Variants in RUNX1 observed in about 807,000 individuals in gnomAD.
RUNX1 encodes RUNX family transcription factor 1, also known as runt-related transcription factor 1.
In RUNX1, 19 loss-of-function variants were observed where a neutral mutation model predicts 42.8. The ratio of observed to expected loss-of-function variants is 0.44; its 90% CI spans 0.31 to 0.65. RUNX1 has a LOEUF of 0.65. RUNX1 is among the 30% of genes least tolerant of loss of function. The pLI is 0.07. For missense variants in RUNX1, 528 were observed against 672.0 expected (o/e 0.79, Z 2.37); for synonymous variants, 271 against 289.4 (o/e 0.94, Z 0.64).
chr21:34,947,574 T>C (rs2058573393), intron 2 of RUNX1, among the ~76,000 whole-genome samples: 1 of 152,248 alleles, frequency 6.6e-6, no homozygotes, highest in Admixed American at 6.5e-5. Flanking sequence ...TGTCCATTTT[T>C]TCCCCTGATG....
intron 6 of RUNX1, among the ~76,000 whole-genome samples, chr21:34,835,240 T>G (rs780572392): frequency 3.3e-5 from 5 of 151,992 alleles, no homozygotes; most frequent in Non-Finnish European, 7.4e-5. Flanking sequence ...CATTCCTTCT[T>G]CCCTGAAGCC....
rs2057203453 is a variant in RUNX1 at position 34,839,666 on chromosome 21, C to T, written c.614-5065G>A. Among the ~76,000 whole-genome samples the T allele has an allele frequency of 3.9e-5, 6 of 152,266 alleles. No individual in the cohort carries two copies. The South Asian group carries it at 1.2e-3, about 32-fold the overall frequency. On this transcript the variant is annotated intron_variant, in intron 6 of 8. Coordinates refer to ENST00000675419, the MANE Select transcript of RUNX1 (RefSeq NM_001754.5). ...CCTGCTTGAGTGGGCAATGGAATTA[C>T]CTGGGCATTCTAGTTTGGTAGGTTG...
intron 2 of RUNX1, among the ~76,000 whole-genome samples, chr21:34,936,199 A>C (rs1002597600): frequency 6.6e-6 from 1 of 152,122 alleles, no homozygotes; most frequent in Middle Eastern, 3.4e-3. Context: ...TTTGAGACTT[A>C]AAGACACAAG....
At chr21:34,887,242 T>TC (rs1555900020) in intron 3 of RUNX1, 146 bp from the exon 4 acceptor site, 2 of 295,698 alleles carry the variant, frequency 6.8e-6, no homozygotes, top group Non-Finnish European at 8.1e-6. Context: ...CTGCGGGGGG[T>TC]GGGGGGGGGC....
intron 8 of RUNX1, among the ~76,000 whole-genome samples, chr21:34,796,885 G>A (rs926993770): frequency 2.6e-5 from 4 of 152,172 alleles, no homozygotes; most frequent in Non-Finnish European, 1.5e-5. Context: ...GATAGAGAGA[G>A]AGAGACAGAC....
chr21:34,977,099 ATGT>A (rs1406336283), intron 2 of RUNX1, among the ~76,000 whole-genome samples: 2 of 152,198 alleles, frequency 1.3e-5, no homozygotes, highest in African/African-American at 2.4e-5. Flanking sequence ...TGAGCATATA[ATGT>A]TGTGTTTTGT....
chr21:34,903,717 C>T (rs543863606), intron 2 of RUNX1, among the ~76,000 whole-genome samples: 2 of 152,244 alleles, frequency 1.3e-5, no homozygotes, highest in Admixed American at 6.5e-5. Context: ...GATAAGATGG[C>T]AAATACTTTC....
chr21:34,884,294 A>G (rs1156672048), intron 4 of RUNX1, among the ~76,000 whole-genome samples: 2 of 152,202 alleles, frequency 1.3e-5, no homozygotes, highest in African/African-American at 4.8e-5. Context: ...GAAAATTCAT[A>G]ATTTTAAATC....
At chr21:34,900,239 G>A (rs1224342941) in intron 2 of RUNX1, among the ~76,000 whole-genome samples, 1 of 152,114 alleles carries the variant, frequency 6.6e-6, no homozygotes, top group East Asian at 1.9e-4. Context: ...GTCTTCAAAA[G>A]TCTGTGTGTA....
At chr21:34,908,577 G>GC (rs1455081031) in intron 2 of RUNX1, among the ~76,000 whole-genome samples, 2 of 140,900 alleles carry the variant, frequency 1.4e-5, no homozygotes, top group African/African-American at 2.5e-5. Context: ...TTTGTGGACA[G>GC]GGGGGTCGGG....
At chr21:34,909,233 G>T (rs543946448) in intron 2 of RUNX1, among the ~76,000 whole-genome samples, 2 of 152,162 alleles carry the variant, frequency 1.3e-5, no homozygotes, top group South Asian at 4.2e-4. Flanking sequence ...CAGTACACCC[G>T]ACCCTAAGAT....
chr21:34,839,404 C>G (rs747835198), intron 6 of RUNX1, among the ~76,000 whole-genome samples: 1 of 151,902 alleles, frequency 6.6e-6, no homozygotes, highest in African/African-American at 2.4e-5. Flanking sequence ...CAACACCCAC[C>G]GACACACACA....
intron 4 of RUNX1, among the ~76,000 whole-genome samples, chr21:34,881,028 T>C (rs1429038525): frequency 6.6e-6 from 1 of 152,210 alleles, no homozygotes; most frequent in African/African-American, 2.4e-5. Flanking sequence ...GTGACACATA[T>C]ACTAAATTTA....
intron 7 of RUNX1, among the ~76,000 whole-genome samples, chr21:34,813,668 G>A (rs1357205608): frequency 6.6e-6 from 1 of 152,086 alleles, no homozygotes. Flanking sequence ...CTGACCGTCG[G>A]CTTTGCCATC....
At chr21:34,979,073 C>T (rs1601630402) in intron 2 of RUNX1, among the ~76,000 whole-genome samples, 1 of 152,102 alleles carries the variant, frequency 6.6e-6, no homozygotes, top group Non-Finnish European at 1.5e-5. Context: ...TAATTTCCAT[C>T]TCGCCTGCAA....
intron 5 of RUNX1, among the ~76,000 whole-genome samples, chr21:34,862,527 C>T (rs914513399): frequency 6.6e-6 from 1 of 152,234 alleles, no homozygotes; most frequent in African/African-American, 2.4e-5. Context: ...CACACTCCCC[C>T]TGAGGGCTCT....
intron 2 of RUNX1, among the ~76,000 whole-genome samples, chr21:34,931,318 T>C (rs2146595640): frequency 6.9e-6 from 1 of 144,984 alleles, no homozygotes; most frequent in African/African-American, 2.6e-5. Flanking sequence ...TCAACATGCA[T>C]TATATATATA....
At chr21:35,001,727 T>C (rs1446555640) in intron 2 of RUNX1, among the ~76,000 whole-genome samples, 1 of 152,206 alleles carries the variant, frequency 6.6e-6, no homozygotes, top group Non-Finnish European at 1.5e-5. Flanking sequence ...GATGCCATGA[T>C]ATTATATGTA....
At chr21:35,037,200 G>T (rs1171845781) in intron 2 of RUNX1, among the ~76,000 whole-genome samples, 2 of 152,190 alleles carry the variant, frequency 1.3e-5, no homozygotes, top group African/African-American at 4.8e-5. Context: ...AAAACAACTG[G>T]TCGGTCAGGA....
Sources: gnomAD v4.1 joint callset for allele counts (sites outside exome capture counted in the v4.1 genomes callset) on GRCh38, gnomAD v4.1.1 for gene constraint, MANE v1.5 for transcripts, NCBI Gene and HGNC (gene_info 2026-07-23, HGNC 2026-07-21) for gene names.